LDB2: variants seen among roughly 807,000 people sequenced by gnomAD.
LDB2 encodes the protein LIM domain-binding protein 2.
Under a neutral mutation model 44.3 loss-of-function variants are expected in LDB2, and 12 were observed. That is an observed-to-expected ratio of 0.27 (90% CI 0.17 to 0.44). The LOEUF (loss-of-function observed/expected upper bound fraction) is 0.44. Ranked by LOEUF, LDB2 falls within the 20% of genes least tolerant of loss-of-function variation. The probability of loss-of-function intolerance (pLI) is 1.00; values close to 1 mark genes in which losing one functional copy is unlikely to be tolerated. For synonymous variants in LDB2, 164 were observed against 174.8 expected, an observed-to-expected ratio of 0.94 and a Z score of 0.49; for missense variants, 344 against 473.5, an observed-to-expected ratio of 0.73 and a Z score of 2.54.
At chr4:16,576,799 A>G (rs750229205) in intron 5 of LDB2, among the ~76,000 whole-genome samples, 11 of 152,200 alleles carry the variant, frequency 7.2e-5, no homozygotes, top group Admixed American at 1.3e-4. Context: ...CTACAGGCCA[A>G]TATCACTGAT....
At chr4:16,666,969 T>G (rs1301315085) in intron 2 of LDB2, among the ~76,000 whole-genome samples, 1 of 152,068 alleles carries the variant, frequency 6.6e-6, no homozygotes, top group African/African-American at 2.4e-5. Context: ...AAGGTGAGGG[T>G]ATGCAGAGGT....
chr4:16,742,102 T>A (rs538835082), intron 2 of LDB2, among the ~76,000 whole-genome samples: 4 of 145,310 alleles, frequency 2.8e-5, no homozygotes, highest in Non-Finnish European at 6.0e-5. Flanking sequence ...TGAGAGTGTC[T>A]CACTCTGTTG....
chr4:16,565,933 T>C (rs941216951), intron 5 of LDB2, among the ~76,000 whole-genome samples: 2 of 151,918 alleles, frequency 1.3e-5, no homozygotes, highest in African/African-American at 4.8e-5. Flanking sequence ...TATGTCTAAA[T>C]ATATGCATAT....
At chr4:16,888,514 A>AG (rs1180781275) in intron 1 of LDB2, among the ~76,000 whole-genome samples, 2 of 152,204 alleles carry the variant, frequency 1.3e-5, no homozygotes, top group Non-Finnish European at 2.9e-5. Context: ...AACAGTGAAA[A>AG]GCCCCTTTGG....
At chr4:16,620,380 T>C (rs1728550777) in intron 2 of LDB2, among the ~76,000 whole-genome samples, 1 of 152,190 alleles carries the variant, frequency 6.6e-6, no homozygotes, top group African/African-American at 2.4e-5. Flanking sequence ...ATATGACTCC[T>C]TAGAGTCTTA....
intron 1 of LDB2, among the ~76,000 whole-genome samples, chr4:16,783,746 AAGT>A (rs1773814365): frequency 3.3e-5 from 5 of 152,218 alleles, no homozygotes; most frequent in Admixed American, 3.3e-4. Context: ...CTCATGGCCA[AAGT>A]GCCCCTTGAT....
chr4:16,679,105 A>G (rs1186825618), intron 2 of LDB2, among the ~76,000 whole-genome samples: 2 of 152,244 alleles, frequency 1.3e-5, no homozygotes, highest in African/African-American at 2.4e-5. Flanking sequence ...GCCTTCTAGT[A>G]ATATAAACGG....
intron 1 of LDB2, among the ~76,000 whole-genome samples, chr4:16,838,331 C>A (rs1785260675): frequency 6.6e-6 from 1 of 152,202 alleles, no homozygotes; most frequent in Non-Finnish European, 1.5e-5. Context: ...GCCTTTCATT[C>A]TTCCAGGCTT....
chr4:16,647,852 T>C (rs1306608389), intron 2 of LDB2, among the ~76,000 whole-genome samples: 1 of 152,222 alleles, frequency 6.6e-6, no homozygotes, highest in Non-Finnish European at 1.5e-5. Context: ...TCTCAGGTCC[T>C]CCTTGAAAGA....
intron 1 of LDB2, among the ~76,000 whole-genome samples, chr4:16,849,910 A>G (rs1787842055): frequency 6.6e-6 from 1 of 152,196 alleles, no homozygotes; most frequent in Non-Finnish European, 1.5e-5. Flanking sequence ...AGCCTTTTGC[A>G]TACTGGTGAG....
intron 1 of LDB2, among the ~76,000 whole-genome samples, chr4:16,858,466 G>A (rs1446165103): frequency 3.3e-5 from 5 of 152,226 alleles, no homozygotes; most frequent in Admixed American, 6.5e-5. Context: ...AAGAGGGACC[G>A]TTCAGGTGAA....
chr4:16,857,439 G>A (rs1205019286), intron 1 of LDB2, among the ~76,000 whole-genome samples: 1 of 152,086 alleles, frequency 6.6e-6, no homozygotes, highest in African/African-American at 2.4e-5. Flanking sequence ...TAGCATCCAG[G>A]GTGAGCATTA....
intron 1 of LDB2, among the ~76,000 whole-genome samples, chr4:16,828,987 G>A (rs1254449011): frequency 1.3e-5 from 2 of 152,330 alleles, no homozygotes; most frequent in Non-Finnish European, 2.9e-5. Context: ...GATGGGTGAA[G>A]CACGGGATTG....
intron 2 of LDB2, among the ~76,000 whole-genome samples, chr4:16,673,466 G>A (rs544671292): frequency 1.6e-4 from 25 of 152,230 alleles, no homozygotes; most frequent in South Asian, 1.5e-3. Flanking sequence ...GTCACAACGC[G>A]GAAAAGGCTT....
intron 2 of LDB2, among the ~76,000 whole-genome samples, chr4:16,748,440 A>G (rs922248196): frequency 6.6e-6 from 1 of 152,216 alleles, no homozygotes; most frequent in Admixed American, 6.5e-5. Context: ...TACCTTGATT[A>G]AACAATAAAT....
intron 2 of LDB2, among the ~76,000 whole-genome samples, chr4:16,684,792 A>G (rs1302453034): frequency 1.3e-5 from 2 of 152,248 alleles, no homozygotes. Flanking sequence ...TAGGCCAATA[A>G]CAAGTATTAA....
chr4:16,864,936 A>G (rs1397372243), intron 1 of LDB2, among the ~76,000 whole-genome samples: 1 of 151,396 alleles, frequency 6.6e-6, no homozygotes. Flanking sequence ...AAAAGAAAAG[A>G]ACAAAAATAG....
chr4:16,657,834 A>T (rs1740358650), intron 2 of LDB2, among the ~76,000 whole-genome samples: 1 of 152,248 alleles, frequency 6.6e-6, no homozygotes, highest in Non-Finnish European at 1.5e-5. Context: ...TCATCCATTC[A>T]TCCATTTATC....
Position 16,675,156 on chromosome 4 carries a change from C to T in LDB2, c.236-79281G>A, listed in dbSNP as rs551776851. 4.6e-5 allele frequency among the ~76,000 whole-genome samples: 7 copies of T among 152,268 alleles called. No individual in the cohort carries two copies. In the East Asian group the frequency reaches 1.4e-3, roughly 29 times the overall value. ...AAATGGTGCAGAAGGGTCTCAAACACCTTCCACTCAGCTTTCCCCAATGGC... is the reference window on the plus strand; with the variant it reads ...AAATGGTGCAGAAGGGTCTCAAACATCTTCCACTCAGCTTTCCCCAATGGC... On this transcript the variant is annotated intron_variant, in intron 2 of 7. Transcript: ENST00000304523.
Sources: gnomAD v4.1 joint callset for allele counts (sites outside exome capture counted in the v4.1 genomes callset) on GRCh38, gnomAD v4.1.1 for gene constraint, MANE v1.5 for transcripts, NCBI Gene and HGNC (gene_info 2026-07-23, HGNC 2026-07-21) for gene names.